RAB6A: variants seen among roughly 807,000 people sequenced by gnomAD.
RAB6A encodes ras-related protein Rab-6A.
In RAB6A, 8 loss-of-function variants were observed where a neutral mutation model predicts 32.3. That is an observed-to-expected ratio of 0.25 (90% CI 0.15 to 0.45). The LOEUF is 0.45. Ranked by LOEUF, RAB6A falls within the 20% of genes least tolerant of loss-of-function variation. The pLI, the probability that RAB6A is intolerant of heterozygous loss-of-function variation, is 1.00. For missense variants in RAB6A, 104 were observed against 249.4 expected (o/e 0.42, Z 3.93); for synonymous variants, 73 against 82.1 (o/e 0.89, Z 0.60).
At chr11:73,695,053 AT>A (rs1226151091) in intron 6 of RAB6A, among the ~76,000 whole-genome samples, 2 of 151,974 alleles carry the variant, frequency 1.3e-5, no homozygotes, top group Non-Finnish European at 2.9e-5. Flanking sequence ...ATATATCCAA[AT>A]TTTTTTAATC....
intron 1 of RAB6A, among the ~76,000 whole-genome samples, chr11:73,757,909 C>A (rs578007882): frequency 5.9e-5 from 9 of 152,272 alleles, no homozygotes; most frequent in Admixed American, 6.5e-5. Context: ...TGGGGACACA[C>A]TGAACAAAAA....
At position 73,676,153 on chromosome 11, in the gene RAB6A, A is replaced by T. The variant is rs1466181310; in HGVS notation, c.*1745T>A. ...GAGGAAGAGGAAAGAGAGGGGACTA[A>T]GGTTCTCCCAGTTTAAGGTTTTGTT... On this transcript the variant is annotated 3_prime_UTR_variant, in exon 8 of 8. Coordinates refer to ENST00000336083, the MANE Select transcript of RAB6A (RefSeq NM_198896.2). 1.2e-5 allele frequency: 2 copies of T among 167,094 alleles called. No individual in the cohort carries two copies. The highest frequency in any genetic ancestry group is 2.9e-5 in the Non-Finnish European group (2 of 68,134). 10.4% of individuals were successfully genotyped at this position (167,094 alleles called of 1,614,324 possible). A position where few individuals can be genotyped will look rare whatever the true frequency, so the allele number is the denominator to read the frequency against.
At chr11:73,725,752 C>A (rs1946208197) in intron 2 of RAB6A, among the ~76,000 whole-genome samples, 1 of 152,244 alleles carries the variant, frequency 6.6e-6, no homozygotes, top group Admixed American at 6.5e-5. Flanking sequence ...TGGGTGGGGA[C>A]ATAGCCAAAC....
chr11:73,744,929 C>T (rs1379104589), intron 1 of RAB6A, among the ~76,000 whole-genome samples: 1 of 149,378 alleles, frequency 6.7e-6, no homozygotes, highest in Non-Finnish European at 1.5e-5. Flanking sequence ...GAGCCGAGAT[C>T]GCGCCACTGC....
chr11:73,692,124 TCA>T (rs1438516089), intron 6 of RAB6A, among the ~76,000 whole-genome samples: 2 of 152,102 alleles, frequency 1.3e-5, no homozygotes, highest in East Asian at 3.8e-4. Flanking sequence ...AACACAGACT[TCA>T]GAGAGCTTAT....
chr11:73,752,560 T>C (rs1252949214), intron 1 of RAB6A, among the ~76,000 whole-genome samples: 1 of 152,196 alleles, frequency 6.6e-6, no homozygotes, highest in Non-Finnish European at 1.5e-5. Flanking sequence ...CTCATGCCTG[T>C]AATCCTAGCA....
intron 4 of RAB6A, among the ~76,000 whole-genome samples, chr11:73,717,531 G>A (rs1272547041): frequency 1.3e-5 from 2 of 152,102 alleles, no homozygotes; most frequent in East Asian, 1.9e-4. Flanking sequence ...TGCAACCTCC[G>A]CCTCCCAGGT....
At chr11:73,753,192 G>A (rs1946694165) in intron 1 of RAB6A, among the ~76,000 whole-genome samples, 1 of 152,160 alleles carries the variant, frequency 6.6e-6, no homozygotes, top group Non-Finnish European at 1.5e-5. Context: ...CGTGGCTGCA[G>A]TGAGCTATAA....
chr11:73,721,913 A>C (rs926785092), intron 2 of RAB6A, among the ~76,000 whole-genome samples: 1 of 152,160 alleles, frequency 6.6e-6, no homozygotes, highest in Non-Finnish European at 1.5e-5. Flanking sequence ...TTCTGTTAGC[A>C]GAAAAATAGA....
intron 4 of RAB6A, among the ~76,000 whole-genome samples, chr11:73,717,245 T>A (rs1033007375): frequency 3.9e-5 from 6 of 152,204 alleles, no homozygotes; most frequent in Non-Finnish European, 7.3e-5. Context: ...AATTCCTAAT[T>A]GAGGAGATAT....
At chr11:73,740,035 G>A (rs1946469612) in intron 1 of RAB6A, among the ~76,000 whole-genome samples, 1 of 150,546 alleles carries the variant, frequency 6.6e-6, no homozygotes, top group Non-Finnish European at 1.5e-5. Flanking sequence ...GTCCAGCCTG[G>A]GCAACAGAGC....
chr11:73,743,133 T>C (rs1172483148), intron 1 of RAB6A, among the ~76,000 whole-genome samples: 1 of 151,618 alleles, frequency 6.6e-6, no homozygotes, highest in Non-Finnish European at 1.5e-5. Context: ...CCATCTCTAC[T>C]AAAAATACAC....
chr11:73,741,642 GT>G (rs1946497598), intron 1 of RAB6A, among the ~76,000 whole-genome samples: 2 of 152,124 alleles, frequency 1.3e-5, no homozygotes, highest in South Asian at 4.1e-4. Flanking sequence ...ACAAACTGTG[GT>G]ATATCCACAC....
intron 1 of RAB6A, among the ~76,000 whole-genome samples, chr11:73,740,221 AC>A (rs1475307344): frequency 1.3e-5 from 2 of 152,284 alleles, no homozygotes; most frequent in African/African-American, 2.4e-5. Flanking sequence ...CCACAAAAAA[AC>A]ACTATAAAAA....
chr11:73,742,360 A>C (rs1401262004), intron 1 of RAB6A, among the ~76,000 whole-genome samples: 2 of 152,158 alleles, frequency 1.3e-5, no homozygotes, highest in Non-Finnish European at 2.9e-5. Flanking sequence ...CTTGTCTCAA[A>C]CTCCTGGATT....
intron 2 of RAB6A, among the ~76,000 whole-genome samples, chr11:73,726,694 G>C (rs35937266): frequency 0.033 from 4,917 of 148,762 alleles, 117 homozygotes; most frequent in Middle Eastern, 0.066. Context: ...AGGCTGCAGT[G>C]AGTCAAGATC....
rs367629903 is a variant in RAB6A, at chr11:73,679,691, C to A, written c.525G>T (p.Pro175=). The change falls in exon 7 of 8, where the codon CCG becomes CCT. Residue 175 remains proline, a synonymous_variant. Coordinates refer to ENST00000336083, the MANE Select transcript of RAB6A (RefSeq NM_198896.2). ...QLFRRVAAAL[P]GMESTQDRSR... ...TTCTGTCCTGTGTGCTTTCCATTCCCGGCAAAGCTGCTGCTACACGTCGAA... is the reference window on the plus strand; with the variant it reads ...TTCTGTCCTGTGTGCTTTCCATTCCAGGCAAAGCTGCTGCTACACGTCGAA... 6.2e-7 allele frequency: 1 copy of A among 1,613,452 alleles called. No individual in the cohort carries two copies. Among genetic ancestry groups the A allele is most frequent in the African/African-American group, 1.3e-5 (1 of 74,830 alleles).
At position 73,695,372 on chromosome 11, in the gene RAB6A, T is replaced by C. The variant is rs1324696615; in HGVS notation, c.495+12048A>G. On this transcript the variant is annotated intron_variant, in intron 6 of 7. Transcript: ENST00000336083. Reference sequence around the variant, plus strand: ...ATCCTCATATTTACTAAGTATCCAGTTTTTTTGTTTTTTTTTTTCTTTTTT... The same window carrying C: ...ATCCTCATATTTACTAAGTATCCAGCTTTTTTGTTTTTTTTTTTCTTTTTT... Among the ~76,000 whole-genome samples, 14 of 90,484 alleles carry C rather than the reference T, an allele frequency of 1.5e-4. No homozygotes were observed. The Admixed American group carries it at 2.0e-3, about 13-fold the overall frequency. The allele number at this position is 90,484 out of a possible 152,430, so 59.4% of individuals were successfully genotyped here.
chr11:73,752,959 A>AT (rs1295232704), intron 1 of RAB6A, among the ~76,000 whole-genome samples: 1 of 152,238 alleles, frequency 6.6e-6, no homozygotes, highest in Admixed American at 6.5e-5. Flanking sequence ...AGGAAGTCTA[A>AT]TAAAAAGTCC....
Sources: gnomAD v4.1 joint callset for allele counts (sites outside exome capture counted in the v4.1 genomes callset) on GRCh38, gnomAD v4.1.1 for gene constraint, MANE v1.5 for transcripts, NCBI Gene and HGNC (gene_info 2026-07-23, HGNC 2026-07-21) for gene names.